The following RAVER1 variants were observed in gnomAD, a reference collection of about 807,000 sequenced individuals.
The protein encoded by RAVER1 is ribonucleoprotein PTB-binding 1.
In RAVER1, 36 loss-of-function variants were observed where a neutral mutation model predicts 68.4. The observed-to-expected ratio is 0.53, with a 90% CI of 0.40 to 0.70. The LOEUF (loss-of-function observed/expected upper bound fraction) is 0.70. Ranked by LOEUF, RAVER1 falls within the 30% of genes least tolerant of loss-of-function variation. The pLI is 0.00. For missense variants in RAVER1, 933 were observed against 1,019.8 expected, an observed-to-expected ratio of 0.91 and a Z score of 1.16; for synonymous variants, 469 against 472.7, an observed-to-expected ratio of 0.99 and a Z score of 0.10.
intron 1 of RAVER1, among the ~76,000 whole-genome samples, chr19:10,331,450 G>T (rs1599306383): frequency 6.8e-6 from 1 of 146,044 alleles, no homozygotes; most frequent in East Asian, 2.0e-4. Context: ...GCACTTTGGA[G>T]GCTGAGGCAG....
In RAVER1 at chr19:10,321,273, G is replaced by C; in HGVS notation, c.1262-14C>G. The C allele has an allele frequency of 1.6e-6, 2 of 1,237,222 alleles. No individual in the cohort carries two copies. The highest frequency in any genetic ancestry group is 2.1e-6 in the Non-Finnish European group (2 of 974,626). The allele number at this position is 1,237,222 out of a possible 1,614,324, so 76.6% of individuals were successfully genotyped here. A position where few individuals can be genotyped will look rare whatever the true frequency, so the allele number is the denominator to read the frequency against. On this transcript the variant is annotated splice_polypyrimidine_tract_variant and intron_variant, in intron 7 of 12. Coordinates refer to ENST00000617231, the MANE Select transcript of RAVER1 (RefSeq NM_133452.3). The stretch of plus-strand genomic sequence containing the variant: ...GCAGGCCCCCTCCTAGGGAGGGAAG[G>C]AGGATTTCAGGGGCCCAGGCTCACA...
chr19:10,319,230 G>A lies in RAVER1; in HGVS notation c.1781C>T (p.Pro594Leu). Residue 594 changes from proline (P) to leucine (L), a missense_variant, in exon 10 of 13, where the codon CCT (proline) becomes CTT (leucine). Pro to Leu is a moderately conservative substitution (Grantham distance 98). Coordinates refer to ENST00000617231, the MANE Select transcript of RAVER1 (RefSeq NM_133452.3). ...YSFDYPSDMG[P>L]RRLFSHPREP... ...CCGTGGGTGGGAGAAGAGCCGCCGA[G>A]GTCCCATGTCCTGAATGAAAGCGGG... The A allele has an allele frequency of 6.2e-7, 1 of 1,613,648 alleles. No homozygotes were observed. Among genetic ancestry groups the A allele is most frequent in the Non-Finnish European group, 8.5e-7 (1 of 1,179,620 alleles).
intron 10 of RAVER1, among the ~76,000 whole-genome samples, chr19:10,318,919 C>T (rs1234740015): frequency 6.6e-6 from 1 of 152,158 alleles, no homozygotes; most frequent in African/African-American, 2.4e-5. Flanking sequence ...GTGGCTCATG[C>T]CTGTGATCCT....
chr19:10,326,667 C>T (rs1014803973), intron 3 of RAVER1, among the ~76,000 whole-genome samples: 5 of 151,258 alleles, frequency 3.3e-5, no homozygotes, highest in Non-Finnish European at 5.9e-5. Context: ...GTTTGTCAGG[C>T]TGGTCTCAAA....
In RAVER1 at chr19:10,316,962, C is replaced by T. The variant is rs1599296299; in HGVS notation, c.*492G>A. ...GGTGTGGAATGGTGGCCCGGACAGG[C>T]CGGGCCTTGAAGGAATCAGAGCTGG... On this transcript the variant is annotated 3_prime_UTR_variant, in exon 13 of 13. Transcript: ENST00000617231. 1.7e-5 allele frequency: 3 copies of T among 180,392 alleles called. No homozygotes were observed. The highest frequency in any genetic ancestry group is 1.2e-5 in the Non-Finnish European group (1 of 86,802). The allele number at this position is 180,392 out of a possible 1,614,324, so 11.2% of individuals were successfully genotyped here.
Position 10,333,368 on chromosome 19 carries a change from C to A in RAVER1, c.140G>T (p.Arg47Leu), listed in dbSNP as rs1599307850. Residue 47 changes from arginine (R) to leucine (L), a missense_variant, in exon 1 of 13, where the codon CGC (arginine) becomes CTC (leucine). Around this residue, in one of 3 missense-constraint regions of RAVER1, gnomAD observed 211 missense variants for 230.0 expected, o/e 0.92. Transcript: ENST00000617231. The surrounding 1 kb of genome is among the most constrained non-coding windows in gnomAD (Gnocchi z 4.2). ...GAACTGGCGCTCGGTGTGTTCCAGGCGTTTCCGGATCTCTTCTGGATCTAG... is the reference window on the plus strand; with the variant it reads ...GAACTGGCGCTCGGTGTGTTCCAGGAGTTTCCGGATCTCTTCTGGATCTAG... Reference protein sequence around the residue: ...PPLDPEEIRKRLEHTERQFRN... With the variant: ...PPLDPEEIRKLLEHTERQFRN... 6.2e-7 allele frequency: 1 copy of A among 1,613,924 alleles called. No homozygotes were observed. The highest frequency in any genetic ancestry group is 2.2e-5 in the East Asian group (1 of 44,888).
chr19:10,321,488 G>T, intron 7 of RAVER1, 43 bp downstream of exon 7: 1 of 1,324,530 alleles, frequency 7.5e-7, no homozygotes, highest in Non-Finnish European at 9.8e-7. Flanking sequence ...GGGAAGGAAG[G>T]GGAAGTGGCT....
rs2040390686 is a variant in RAVER1 at position 10,316,642 on chromosome 19, C to T, written c.*812G>A. On this transcript the variant is annotated 3_prime_UTR_variant, in exon 13 of 13. Transcript: ENST00000617231. Reference sequence around the variant, plus strand: ...CCCGGGTAGGAGGGGGTGGTGGGGCCGGTTCGCCAAGATGAAGGCTTTCCC... The same window carrying T: ...CCCGGGTAGGAGGGGGTGGTGGGGCTGGTTCGCCAAGATGAAGGCTTTCCC... The T allele has an allele frequency of 3.3e-6, 3 of 899,640 alleles. No homozygotes were observed. The highest frequency in any genetic ancestry group is 2.7e-6 in the Non-Finnish European group (2 of 750,988). The allele number at this position is 899,640 out of a possible 1,614,324, so 55.7% of individuals were successfully genotyped here.
At chr19:10,324,856 T>C (rs1185235712) in intron 3 of RAVER1, among the ~76,000 whole-genome samples, 3 of 152,156 alleles carry the variant, frequency 2.0e-5, no homozygotes, top group Non-Finnish European at 4.4e-5. Flanking sequence ...TCGGAGGACA[T>C]CACTTCAACG....
intron 3 of RAVER1, among the ~76,000 whole-genome samples, chr19:10,325,785 C>G (rs1254683792): frequency 6.6e-6 from 1 of 150,842 alleles, no homozygotes; most frequent in African/African-American, 2.4e-5. Context: ...TGATTGAGAA[C>G]CTGTCTCAAA....
intron 9 of RAVER1, 63 bp from the exon 10 acceptor site, chr19:10,319,303 C>T: frequency 6.6e-7 from 1 of 1,516,710 alleles, no homozygotes; most frequent in Non-Finnish European, 9.1e-7. Flanking sequence ...CCTGGCTGAA[C>T]TCCATGGCAG....
At chr19:10,325,360 G>A (rs2040467203) in intron 3 of RAVER1, among the ~76,000 whole-genome samples, 1 of 152,082 alleles carries the variant, frequency 6.6e-6, no homozygotes, top group South Asian at 2.1e-4. Flanking sequence ...AAATAGCTGG[G>A]ACCACAGGCA....
intron 1 of RAVER1, among the ~76,000 whole-genome samples, chr19:10,331,218 C>T (rs1206764984): frequency 6.6e-6 from 1 of 151,442 alleles, no homozygotes; most frequent in Non-Finnish European, 1.5e-5. Flanking sequence ...GGCGCGGTGG[C>T]AGGCGCCTGT....
intron 1 of RAVER1, among the ~76,000 whole-genome samples, chr19:10,330,798 T>C (rs281412): frequency 0.23 from 35,258 of 152,132 alleles, 4,270 homozygotes; most frequent in Middle Eastern, 0.3. Flanking sequence ...GCGGGGTGGC[T>C]CACGCTTATA....
chr19:10,322,843 C>A lies in RAVER1; in HGVS notation c.1079-104G>T. ...ATTGATGGGGCAGGAAACTGACACT[C>A]TGGGGCCGGGGGGTGGGCAGTGGAC... is the stretch of plus-strand genomic sequence containing the variant. On this transcript the variant is annotated intron_variant, in intron 5 of 12. Coordinates refer to ENST00000617231, the MANE Select transcript of RAVER1 (RefSeq NM_133452.3). The surrounding 1 kb of genome is among the most constrained non-coding windows in gnomAD (Gnocchi z 4.3). 1 of 658,716 alleles carries A rather than the reference C, an allele frequency of 1.5e-6. No homozygotes were observed. The highest frequency in any genetic ancestry group is 2.3e-5 in the South Asian group (1 of 42,854). The allele number at this position is 658,716 out of a possible 1,614,324, so 40.8% of individuals were successfully genotyped here. A position where few individuals can be genotyped will look rare whatever the true frequency, so the allele number is the denominator to read the frequency against.
chr19:10,316,224 C>A lies in RAVER1; in HGVS notation c.*1230G>T. 7.3e-7 allele frequency: 1 copy of A among 1,376,124 alleles called. No homozygotes were observed. The highest frequency in any genetic ancestry group is 9.3e-7 in the Non-Finnish European group (1 of 1,073,632). 85.2% of individuals were successfully genotyped at this position (1,376,124 alleles called of 1,614,324 possible). On this transcript the variant is annotated 3_prime_UTR_variant, in exon 13 of 13. Transcript: ENST00000617231. Reference sequence around the variant, plus strand: ...CAGCCAACTCTGATTTCTTTAAAACCATTTACTTACAAACTTTAATTCAGC... The same window carrying A: ...CAGCCAACTCTGATTTCTTTAAAACAATTTACTTACAAACTTTAATTCAGC...
chr19:10,333,403 CTCT>C lies in RAVER1; in HGVS notation c.102_104del (p.Glu35del), dbSNP rs779764689. On this transcript the variant is annotated inframe_deletion, in exon 1 of 13. Transcript: ENST00000617231. This position sits in a 1 kb window ranked among gnomAD's most constrained non-coding sequence, Gnocchi z 4.2. ...TCTCTTCTGGATCTAGAGGCGGCAGCTCTTCTTCCGGCGCCCGGCGCTCCGCGG... is the reference window on the plus strand; with the variant it reads ...TCTCTTCTGGATCTAGAGGCGGCAGCTCTTCCGGCGCCCGGCGCTCCGCGG... 5.6e-6 allele frequency: 9 copies of C among 1,613,656 alleles called. No homozygotes were observed. The highest frequency in any genetic ancestry group is 1.3e-5 in the African/African-American group (1 of 74,938).
chr19:10,333,122 G>C lies in RAVER1; in HGVS notation c.219+167C>G, dbSNP rs1474588784. Among the ~76,000 whole-genome samples, 2 of 148,330 alleles carry C rather than the reference G, an allele frequency of 1.3e-5. No homozygotes were observed. The highest frequency in any genetic ancestry group is 5.0e-5 in the African/African-American group (2 of 39,950). ...GCAGTCGGTTTCCCCTTTCATCATC[G>C]CCCCCCCACGTCCCGCTCTTGGTCT... On this transcript the variant is annotated intron_variant, in intron 1 of 12. Coordinates refer to ENST00000617231, the MANE Select transcript of RAVER1 (RefSeq NM_133452.3). The surrounding 1 kb of genome is among the most constrained non-coding windows in gnomAD (Gnocchi z 4.2).
rs940706724 is a variant in RAVER1, at chr19:10,322,818, A to G, written c.1079-79T>C. 4 of 810,870 alleles carry G rather than the reference A, an allele frequency of 4.9e-6. No homozygotes were observed. The highest frequency in any genetic ancestry group is 3.5e-5 in the Admixed American group (1 of 28,432). 50.2% of individuals were successfully genotyped at this position (810,870 alleles called of 1,614,324 possible). On this transcript the variant is annotated intron_variant, in intron 5 of 12. Transcript: ENST00000617231. The surrounding 1 kb of genome is among the most constrained non-coding windows in gnomAD (Gnocchi z 4.3). Reference sequence around the variant, plus strand: ...CCTCACGAAACACAGCCCTGAACCCATTGATGGGGCAGGAAACTGACACTC... The same window carrying G: ...CCTCACGAAACACAGCCCTGAACCCGTTGATGGGGCAGGAAACTGACACTC...
Sources: allele counts gnomAD v4.1 joint callset (sites outside exome capture counted in the v4.1 genomes callset), GRCh38; gene constraint gnomAD v4.1.1; regional missense constraint gnomAD v4.1.1; non-coding constraint Gnocchi (gnomAD v3.1); transcripts MANE v1.5; gene names NCBI Gene and HGNC (gene_info 2026-07-23, HGNC 2026-07-21).